Variants in AKAP19 observed in about 807,000 individuals in gnomAD.
AKAP19 encodes small A-kinase anchoring protein.
chr2:190,027,580 G>A, the AKAP19 span, among the ~76,000 whole-genome samples: 5 of 152,280 alleles, frequency 3.3e-5, no homozygotes, highest in African/African-American at 4.8e-5. Context: ...TAATATTTCT[G>A]AGTAGTACAT....
At chr2:190,145,801 G>A in the AKAP19 span, among the ~76,000 whole-genome samples, 111,913 of 150,474 alleles carry the variant, frequency 0.74, 42,213 homozygotes, top group East Asian at 0.98. Context: ...TTCTCTCTCT[G>A]TATATATAGT....
the AKAP19 span, among the ~76,000 whole-genome samples, chr2:190,067,508 A>C: frequency 6.6e-6 from 1 of 152,198 alleles, no homozygotes; most frequent in Non-Finnish European, 1.5e-5. Context: ...TTTATTTAAT[A>C]GTACATAATT....
chr2:189,972,880 G>C, the AKAP19 span, among the ~76,000 whole-genome samples: 71 of 152,268 alleles, frequency 4.7e-4, no homozygotes, highest in Non-Finnish European at 7.2e-4. Context: ...AGGAGATTTG[G>C]GGCTGAGATG....
chr2:190,180,729 C>T, the AKAP19 span: 17 of 985,324 alleles, frequency 1.7e-5, no homozygotes, highest in Non-Finnish European at 2.0e-5. The surrounding 1 kb of genome is among the most constrained non-coding windows in gnomAD (Gnocchi z 6.8). Flanking sequence ...CGCCCTGGAG[C>T]CGAGCGCCCT....
the AKAP19 span, among the ~76,000 whole-genome samples, chr2:189,981,126 C>T: frequency 6.6e-6 from 1 of 152,200 alleles, no homozygotes; most frequent in Non-Finnish European, 1.5e-5. Context: ...TGAAGTCCCC[C>T]ACTTATTAAT....
At chr2:189,926,298 GTTTT>G in the AKAP19 span, among the ~76,000 whole-genome samples, 2 of 151,990 alleles carry the variant, frequency 1.3e-5, no homozygotes, top group African/African-American at 4.8e-5. Context: ...GTTTTGTTTT[GTTTT>G]TTGTTTTTTT....
At chr2:189,993,000 C>T in the AKAP19 span, among the ~76,000 whole-genome samples, 8 of 152,090 alleles carry the variant, frequency 5.3e-5, no homozygotes, top group Non-Finnish European at 1.2e-4. Flanking sequence ...AATTTGAATG[C>T]CTTTTATTTC....
At chr2:190,039,022 C>CT in the AKAP19 span, among the ~76,000 whole-genome samples, 32 of 103,342 alleles carry the variant, frequency 3.1e-4, no homozygotes, top group African/African-American at 1.4e-3. Flanking sequence ...CTTCCTCTTC[C>CT]TCTTCTTCCT....
the AKAP19 span, among the ~76,000 whole-genome samples, chr2:189,918,721 C>T: frequency 8.1e-3 from 1,228 of 152,232 alleles, 15 homozygotes; most frequent in African/African-American, 0.027. Flanking sequence ...TTCATAGCAG[C>T]ACTATTCACA....
the AKAP19 span, among the ~76,000 whole-genome samples, chr2:189,896,882 T>C: frequency 6.6e-6 from 1 of 152,106 alleles, no homozygotes; most frequent in African/African-American, 2.4e-5. Flanking sequence ...GAAATATATT[T>C]AATATATATT....
chr2:190,190,294 C>T, the AKAP19 span, among the ~76,000 whole-genome samples: 1 of 152,196 alleles, frequency 6.6e-6, no homozygotes, highest in African/African-American at 2.4e-5. Flanking sequence ...ATTGTCCAAT[C>T]TTGAAATTCA....
chr2:189,914,218 G>T, the AKAP19 span, among the ~76,000 whole-genome samples: 1 of 151,960 alleles, frequency 6.6e-6, no homozygotes, highest in Admixed American at 6.6e-5. Flanking sequence ...TCCTTCCCAA[G>T]CTCAAATGCT....
chr2:189,924,380 C>G, the AKAP19 span, among the ~76,000 whole-genome samples: 3 of 152,146 alleles, frequency 2.0e-5, no homozygotes, highest in African/African-American at 7.2e-5. Context: ...CATATTGCCC[C>G]GCGCCTAGTC....
chr2:189,915,514 A>G, the AKAP19 span, among the ~76,000 whole-genome samples: 1 of 152,150 alleles, frequency 6.6e-6, no homozygotes, highest in Non-Finnish European at 1.5e-5. Flanking sequence ...TAAATTGGCC[A>G]GGATCCCAGC....
chr2:189,996,760 T>G, the AKAP19 span, among the ~76,000 whole-genome samples: 1 of 152,232 alleles, frequency 6.6e-6, no homozygotes, highest in East Asian at 1.9e-4. Flanking sequence ...GGGCTGCTGT[T>G]CAGATTCTTT....
chr2:190,041,401 C>G, the AKAP19 span, among the ~76,000 whole-genome samples: 3 of 152,240 alleles, frequency 2.0e-5, no homozygotes, highest in South Asian at 6.2e-4. Context: ...TGTTTATCAG[C>G]TGGAGGAGCT....
the AKAP19 span, among the ~76,000 whole-genome samples, chr2:190,160,464 T>C: frequency 6.6e-6 from 1 of 152,222 alleles, no homozygotes; most frequent in Admixed American, 6.5e-5. Context: ...GAAAATTGCA[T>C]AGCTTATCTG....
the AKAP19 span, among the ~76,000 whole-genome samples, chr2:189,995,118 T>C: frequency 2.0e-5 from 3 of 152,240 alleles, no homozygotes. Flanking sequence ...GTTAGAATGT[T>C]CTATAAATAT....
At chr2:189,963,851 C>A in the AKAP19 span, among the ~76,000 whole-genome samples, 5 of 152,050 alleles carry the variant, frequency 3.3e-5, no homozygotes, top group South Asian at 1.0e-3. Context: ...GCAGCCTCGA[C>A]CTCCCAGGAT....
Sources: gnomAD v4.1 joint callset for allele counts (sites outside exome capture counted in the v4.1 genomes callset) on GRCh38, gnomAD v4.1.1 for gene constraint, Gnocchi (gnomAD v3.1) non-coding constraint, MANE v1.5 for transcripts, NCBI Gene and HGNC (gene_info 2026-07-23, HGNC 2026-07-21) for gene names.